The following EFNA5 variants were observed in gnomAD, a reference collection of about 807,000 sequenced individuals.
The protein encoded by EFNA5 is ephrin-A5.
EFNA5 carries 5 observed loss-of-function variants against 22.9 expected under a neutral mutation model. That is an observed-to-expected ratio of 0.22 (90% CI 0.11 to 0.46). The LOEUF (loss-of-function observed/expected upper bound fraction) is 0.46, where lower values mean the gene tolerates loss of function less well. Among genes scored for constraint, EFNA5 ranks in the 20% least tolerant of loss-of-function variants. The probability of loss-of-function intolerance (pLI) is 0.99; values close to 1 mark genes in which losing one functional copy is unlikely to be tolerated. For missense variants in EFNA5, 237 were observed against 293.3 expected, an observed-to-expected ratio of 0.81 and a Z score of 1.40; for synonymous variants, 113 against 112.2, an observed-to-expected ratio of 1.01 and a Z score of -0.04.
intron 1 of EFNA5, among the ~76,000 whole-genome samples, chr5:107,431,551 A>G (rs1207418303): frequency 6.6e-6 from 1 of 152,230 alleles, no homozygotes; most frequent in African/African-American, 2.4e-5. Flanking sequence ...ATTGAGATTA[A>G]GAAGTCAAGC....
intron 1 of EFNA5, among the ~76,000 whole-genome samples, chr5:107,531,410 T>C (rs1333747967): frequency 1.3e-5 from 2 of 152,204 alleles, no homozygotes; most frequent in African/African-American, 4.8e-5. Flanking sequence ...ACGGTGAGGC[T>C]GCCGAAGGCA....
intron 1 of EFNA5, among the ~76,000 whole-genome samples, chr5:107,486,275 A>G (rs1270064859): frequency 6.6e-6 from 1 of 152,206 alleles, no homozygotes; most frequent in Non-Finnish European, 1.5e-5. Flanking sequence ...AACCCTATGT[A>G]TATTCACAGG....
chr5:107,504,516 C>T (rs926208204), intron 1 of EFNA5, among the ~76,000 whole-genome samples: 4 of 152,044 alleles, frequency 2.6e-5, no homozygotes, highest in African/African-American at 9.7e-5. Flanking sequence ...TATTAATGTA[C>T]AAATAATATG....
chr5:107,482,207 G>A (rs1156946659), intron 1 of EFNA5, among the ~76,000 whole-genome samples: 2 of 151,762 alleles, frequency 1.3e-5, no homozygotes, highest in African/African-American at 4.8e-5. Flanking sequence ...TGGAGAGGTT[G>A]AGGTGGGAAA....
intron 1 of EFNA5, among the ~76,000 whole-genome samples, chr5:107,638,821 C>A (rs1025134237): frequency 1.3e-5 from 2 of 152,118 alleles, no homozygotes; most frequent in South Asian, 4.1e-4. Flanking sequence ...TCACTATACA[C>A]ACACATACAC....
At chr5:107,642,243 G>C (rs1028761625) in intron 1 of EFNA5, among the ~76,000 whole-genome samples, 1 of 152,134 alleles carries the variant, frequency 6.6e-6, no homozygotes, top group African/African-American at 2.4e-5. Flanking sequence ...TAGACAGAAG[G>C]AATAAGTTCA....
rs191139561 is a variant in EFNA5, at chr5:107,439,510, C to G, written c.126-12001G>C. Among the ~76,000 whole-genome samples the G allele has an allele frequency of 2.6e-3, 398 of 152,082 alleles. 3 individuals carry two copies. The highest frequency in any genetic ancestry group is 9.1e-3 in the African/African-American group (379 of 41,472). ...GATGTATATAAACATCAATAAAGAACAGCTAAGTAAAAATGGCCAGAAAGG... is the reference window on the plus strand; with the variant it reads ...GATGTATATAAACATCAATAAAGAAGAGCTAAGTAAAAATGGCCAGAAAGG... On this transcript the variant is annotated intron_variant, in intron 1 of 4. Transcript: ENST00000333274.
At chr5:107,408,191 A>G (rs1256803138) in intron 2 of EFNA5, among the ~76,000 whole-genome samples, 1 of 151,694 alleles carries the variant, frequency 6.6e-6, no homozygotes. Flanking sequence ...ACACACACCC[A>G]TCACCATCAC....
At chr5:107,613,509 T>C (rs898428982) in intron 1 of EFNA5, among the ~76,000 whole-genome samples, 4 of 152,120 alleles carry the variant, frequency 2.6e-5, no homozygotes, top group African/African-American at 4.8e-5. Context: ...ACTTCTGTTC[T>C]CTCTCCATTT....
chr5:107,489,480 T>A (rs1003133163), intron 1 of EFNA5, among the ~76,000 whole-genome samples: 9 of 152,326 alleles, frequency 5.9e-5, no homozygotes, highest in South Asian at 2.1e-4. Flanking sequence ...CTGGACCAGA[T>A]AAAATTTAAA....
At chr5:107,399,609 T>G (rs1045799001) in intron 2 of EFNA5, among the ~76,000 whole-genome samples, 1 of 152,180 alleles carries the variant, frequency 6.6e-6, no homozygotes, top group Admixed American at 6.5e-5. Flanking sequence ...TGGACAATCA[T>G]GATCACAGGT....
intron 1 of EFNA5, among the ~76,000 whole-genome samples, chr5:107,449,957 C>T (rs1343137580): frequency 6.6e-6 from 1 of 152,096 alleles, no homozygotes; most frequent in East Asian, 1.9e-4. Context: ...TCTAACTTTC[C>T]CTTTTGGTTC....
At chr5:107,389,450 C>T (rs989928005) in intron 2 of EFNA5, among the ~76,000 whole-genome samples, 2 of 152,170 alleles carry the variant, frequency 1.3e-5, no homozygotes, top group Non-Finnish European at 2.9e-5. Context: ...AAAAGTGACA[C>T]ATGGATGTTC....
intron 1 of EFNA5, among the ~76,000 whole-genome samples, chr5:107,667,967 T>A (rs907533705): frequency 1.3e-5 from 2 of 152,224 alleles, no homozygotes; most frequent in African/African-American, 4.8e-5. Flanking sequence ...GCCTCTTATA[T>A]CCAAGTTGAC....
chr5:107,448,993 C>T (rs1394765772), intron 1 of EFNA5, among the ~76,000 whole-genome samples: 4 of 151,930 alleles, frequency 2.6e-5, no homozygotes, highest in Non-Finnish European at 5.9e-5. Flanking sequence ...AAGAGTAGTG[C>T]ATGTGAGGTT....
chr5:107,451,254 C>T (rs1003387025), intron 1 of EFNA5, among the ~76,000 whole-genome samples: 1 of 152,166 alleles, frequency 6.6e-6, no homozygotes, highest in African/African-American at 2.4e-5. Context: ...CCACTTATTC[C>T]TGCTGAGATA....
intron 1 of EFNA5, among the ~76,000 whole-genome samples, chr5:107,669,610 C>T (rs1343504410): frequency 6.6e-6 from 1 of 152,114 alleles, no homozygotes; most frequent in Non-Finnish European, 1.5e-5. Flanking sequence ...ACTAGGACCG[C>T]CCCCGGCGCC....
In EFNA5 at chr5:107,607,747, C is replaced by A. The variant is rs1749753254; in HGVS notation, c.125+62742G>T. ...GGGAGAGGAAGGAGGGAGTGTATGA[C>A]CATAGGAGGGAGGAAAGCAAAAAAC... On this transcript the variant is annotated intron_variant, in intron 1 of 4. Coordinates refer to ENST00000333274, the MANE Select transcript of EFNA5 (RefSeq NM_001962.3). Among the ~76,000 whole-genome samples the A allele has an allele frequency of 2.0e-5, 3 of 152,036 alleles. No individual in the cohort carries two copies. The South Asian group carries it at 6.2e-4, about 32-fold the overall frequency.
rs1057249750 is a variant in EFNA5, at chr5:107,601,799, T to C, written c.125+68690A>G. Among the ~76,000 whole-genome samples, 10 of 152,294 alleles carry C rather than the reference T, an allele frequency of 6.6e-5. No homozygotes were observed. The East Asian group carries it at 1.7e-3, about 26-fold the overall frequency. On this transcript the variant is annotated intron_variant, in intron 1 of 4. Coordinates refer to ENST00000333274, the MANE Select transcript of EFNA5 (RefSeq NM_001962.3). ...CACACAAACAAAAAACAAAAACACC[T>C]AGATAATTTGTGGAGGTAAGCTGGA...
Sources: allele counts gnomAD v4.1 joint callset (sites outside exome capture counted in the v4.1 genomes callset), GRCh38; gene constraint gnomAD v4.1.1; transcripts MANE v1.5; gene names NCBI Gene and HGNC (gene_info 2026-07-23, HGNC 2026-07-21).